The following CYSTM1 variants were observed in gnomAD, a reference collection of about 807,000 sequenced individuals.
The protein encoded by CYSTM1 is cysteine rich transmembrane module containing 1, also known as cysteine-rich transmembrane module-containing protein 1.
In CYSTM1, 4 loss-of-function variants were observed where a neutral mutation model predicts 13.1. The ratio of observed to expected loss-of-function variants is 0.31; its 90% CI spans 0.15 to 0.70. CYSTM1 has a LOEUF of 0.70. Ranked by LOEUF, CYSTM1 falls within the 30% of genes least tolerant of loss-of-function variation. The probability of loss-of-function intolerance (pLI) is 0.72; values close to 1 mark genes in which losing one functional copy is unlikely to be tolerated. For synonymous variants in CYSTM1, 36 were observed against 42.7 expected (o/e 0.84, Z 0.62); for missense variants, 96 against 121.6 (o/e 0.79, Z 0.99).
chr5:140,187,162 A>G (rs1213857662), intron 1 of CYSTM1, among the ~76,000 whole-genome samples: 2 of 103,664 alleles, frequency 1.9e-5, no homozygotes, highest in South Asian at 2.7e-4. Flanking sequence ...CACCTCAGTA[A>G]TTCTAAAACT....
chr5:140,210,792 G>A (rs1336008088), intron 2 of CYSTM1, among the ~76,000 whole-genome samples: 1 of 152,158 alleles, frequency 6.6e-6, no homozygotes, highest in East Asian at 1.9e-4. Context: ...GATTACAGGT[G>A]TGAGCCACTG....
rs73254776 is a variant in CYSTM1 at position 140,220,553 on chromosome 5, T to C, written c.188-22752T>C. The stretch of plus-strand genomic sequence containing the variant: ...GCTGTGAGCTTCCTGAGATGGGTCT[T>C]TGTCTTCTTTTCAAGTGGTCTGTGA... On this transcript the variant is annotated intron_variant, in intron 2 of 2. Transcript: ENST00000261811. 7.8e-3 allele frequency among the ~76,000 whole-genome samples: 1,183 copies of C among 152,182 alleles called. 11 individuals are homozygous for C. Among genetic ancestry groups the C allele is most frequent in the African/African-American group, 0.027 (1,115 of 41,524 alleles).
chr5:140,190,781 A>G (rs1464380802), intron 1 of CYSTM1, among the ~76,000 whole-genome samples: 1 of 152,174 alleles, frequency 6.6e-6, no homozygotes. Context: ...AGTGCAGTCT[A>G]TTAATGGATC....
intron 1 of CYSTM1, among the ~76,000 whole-genome samples, chr5:140,188,587 C>CGAGACCACGGT (rs2126655209): frequency 6.6e-6 from 1 of 152,086 alleles, no homozygotes; most frequent in East Asian, 1.9e-4. Context: ...GTCAGGAGAT[C>CGAGACCACGGT]GAGACCACGG....
chr5:140,241,550 A>G (rs1764748967), intron 2 of CYSTM1, among the ~76,000 whole-genome samples: 1 of 152,224 alleles, frequency 6.6e-6, no homozygotes, highest in Non-Finnish European at 1.5e-5. Flanking sequence ...CTATTTCCAG[A>G]GCTGGCAGGG....
chr5:140,209,540 C>G (rs1212451204), intron 2 of CYSTM1, among the ~76,000 whole-genome samples: 1 of 152,112 alleles, frequency 6.6e-6, no homozygotes, highest in Non-Finnish European at 1.5e-5. Context: ...AGCGATTCTC[C>G]TGCCTCAGCC....
At chr5:140,196,601 A>G (rs1561810724) in intron 2 of CYSTM1, among the ~76,000 whole-genome samples, 1 of 152,226 alleles carries the variant, frequency 6.6e-6, no homozygotes, top group Non-Finnish European at 1.5e-5. Flanking sequence ...TTTATCATGC[A>G]TGCTCGGAAG....
chr5:140,234,684 A>G (rs1227109152), intron 2 of CYSTM1, among the ~76,000 whole-genome samples: 2 of 152,204 alleles, frequency 1.3e-5, no homozygotes, highest in Non-Finnish European at 2.9e-5. Flanking sequence ...TTGGGTAGGA[A>G]CAGCCATTAC....
intron 2 of CYSTM1, among the ~76,000 whole-genome samples, chr5:140,232,075 T>C (rs1764623967): frequency 1.3e-5 from 2 of 152,176 alleles, no homozygotes; most frequent in African/African-American, 4.8e-5. Flanking sequence ...GGATTGGATA[T>C]GGACATTGAG....
chr5:140,236,141 G>A (rs550239357), intron 2 of CYSTM1, among the ~76,000 whole-genome samples: 2 of 152,292 alleles, frequency 1.3e-5, no homozygotes, highest in Admixed American at 6.5e-5. Flanking sequence ...ACTATGAGAA[G>A]CTCTTGGTTT....
intron 2 of CYSTM1, among the ~76,000 whole-genome samples, chr5:140,237,701 A>G (rs1393472613): frequency 6.6e-6 from 1 of 152,098 alleles, no homozygotes; most frequent in Non-Finnish European, 1.5e-5. Context: ...CATATCTACT[A>G]GATAGATTTT....
At chr5:140,217,796 G>A (rs1418210793) in intron 2 of CYSTM1, among the ~76,000 whole-genome samples, 1 of 152,134 alleles carries the variant, frequency 6.6e-6, no homozygotes, top group African/African-American at 2.4e-5. Flanking sequence ...TCCAACTGAG[G>A]TAAGGAGTAC....
intron 1 of CYSTM1, among the ~76,000 whole-genome samples, chr5:140,177,352 C>T (rs990416597): frequency 6.6e-6 from 1 of 151,984 alleles, no homozygotes; most frequent in Non-Finnish European, 1.5e-5. Flanking sequence ...AGTGCAGTGT[C>T]GAGATCTTGG....
At position 140,175,545 on chromosome 5, in the gene CYSTM1, C is replaced by G. The variant is rs1016596162; in HGVS notation, c.-21+260C>G. ...CCGCGCCGCGCGTCTCGGCGGTGGA[C>G]TCACAGGGTCTCCGCGTCGCTGCGG... On this transcript the variant is annotated intron_variant, in intron 1 of 2. Transcript: ENST00000261811. The surrounding 1 kb of genome is among the most constrained non-coding windows in gnomAD (Gnocchi z 4.9). Among the ~76,000 whole-genome samples the G allele has an allele frequency of 6.6e-6, 1 of 152,250 alleles. No homozygotes were observed. The highest frequency in any genetic ancestry group is 1.5e-5 in the Non-Finnish European group (1 of 68,040).
At chr5:140,202,677 T>G (rs1764247414) in intron 2 of CYSTM1, 1 of 152,246 alleles carries the variant, frequency 6.6e-6, no homozygotes, top group African/African-American at 2.4e-5. Flanking sequence ...AAAAGGGTAC[T>G]CTTGGATTGA....
At chr5:140,181,287 C>G (rs1367148497) in intron 1 of CYSTM1, among the ~76,000 whole-genome samples, 1 of 152,160 alleles carries the variant, frequency 6.6e-6, no homozygotes, top group Non-Finnish European at 1.5e-5. Flanking sequence ...CACTAGCTTC[C>G]TGGACACTCC....
intron 2 of CYSTM1, among the ~76,000 whole-genome samples, chr5:140,238,487 CACG>C (rs1161262914): frequency 6.6e-6 from 1 of 152,208 alleles, no homozygotes; most frequent in African/African-American, 2.4e-5. Context: ...CCACTCAGCA[CACG>C]GACCTGGTAC....
In CYSTM1 at chr5:140,180,332, T is replaced by C. The variant is rs140029353; in HGVS notation, c.-21+5047T>C. Among the ~76,000 whole-genome samples the C allele has an allele frequency of 9.0e-3, 1,370 of 152,272 alleles. 22 individuals are homozygous for C. Among genetic ancestry groups the C allele is most frequent in the African/African-American group, 0.032 (1,322 of 41,550 alleles). ...ATCCATCTTTTAGACTTCTGACATT[T>C]GTTGGCCAGGTCAAGCTCTCTCTCA... On this transcript the variant is annotated intron_variant, in intron 1 of 2. Transcript: ENST00000261811.
At chr5:140,243,272 C>A in intron 2 of CYSTM1, 33 bp from the exon 3 acceptor site, 2 of 1,591,352 alleles carry the variant, frequency 1.3e-6, no homozygotes, top group South Asian at 2.2e-5. Flanking sequence ...TTGCACCAGT[C>A]CATTCTCACC....
Sources: allele counts gnomAD v4.1 joint callset (sites outside exome capture counted in the v4.1 genomes callset), GRCh38; gene constraint gnomAD v4.1.1; non-coding constraint Gnocchi (gnomAD v3.1); transcripts MANE v1.5; gene names NCBI Gene and HGNC (gene_info 2026-07-23, HGNC 2026-07-21).